The following PRKCE variants were observed in gnomAD, a reference collection of about 807,000 sequenced individuals.
PRKCE encodes the protein protein kinase C epsilon type.
PRKCE carries 16 observed loss-of-function variants against 85.4 expected under a neutral mutation model. That is an observed-to-expected ratio of 0.19 (90% CI 0.13 to 0.28). The LOEUF (loss-of-function observed/expected upper bound fraction) is 0.28, where lower values mean the gene tolerates loss of function less well. Among genes scored for constraint, PRKCE ranks in the 10% least tolerant of loss-of-function variants. The pLI, the probability that PRKCE is intolerant of heterozygous loss-of-function variation, is 1.00. For synonymous variants in PRKCE, 388 were observed against 371.5 expected, an observed-to-expected ratio of 1.04 and a Z score of -0.51; for missense variants, 573 against 975.2, an observed-to-expected ratio of 0.59 and a Z score of 5.49.
chr2:45,720,875 G>A lies in PRKCE; in HGVS notation c.348+68427G>A, dbSNP rs535115068. ...TGTAATCCCAGCACTTTGGGAGGCC[G>A]AGGTGGGCAGATCACAAGGTCAGGA... On this transcript the variant is annotated intron_variant, in intron 1 of 14. Coordinates refer to ENST00000306156, the MANE Select transcript of PRKCE (RefSeq NM_005400.3). Among the ~76,000 whole-genome samples the A allele has an allele frequency of 6.4e-4, 98 of 152,270 alleles. 1 individual carries two copies. The South Asian group carries it at 0.02, about 30-fold the overall frequency.
intron 1 of PRKCE, among the ~76,000 whole-genome samples, chr2:45,732,967 T>C (rs1306851343): frequency 6.6e-6 from 1 of 152,222 alleles, no homozygotes; most frequent in East Asian, 1.9e-4. Flanking sequence ...AGTAAATATT[T>C]TTAGCTTTGC....
At chr2:45,771,922 C>G (rs1685368850) in intron 1 of PRKCE, among the ~76,000 whole-genome samples, 1 of 152,122 alleles carries the variant, frequency 6.6e-6, no homozygotes, top group Non-Finnish European at 1.5e-5. Context: ...TTGGCATGCT[C>G]AGTCATTGCC....
At chr2:45,806,603 G>A (rs1688262014) in intron 1 of PRKCE, among the ~76,000 whole-genome samples, 1 of 152,130 alleles carries the variant, frequency 6.6e-6, no homozygotes, top group South Asian at 2.1e-4. Context: ...CTCCTCATAA[G>A]CACAGGCAAC....
chr2:46,152,155 T>A (rs1676698946), intron 13 of PRKCE, among the ~76,000 whole-genome samples: 1 of 152,206 alleles, frequency 6.6e-6, no homozygotes, highest in African/African-American at 2.4e-5. Context: ...CTTCCAATAT[T>A]TACCTGATTA....
chr2:46,091,277 G>T (rs1670147761), intron 11 of PRKCE, among the ~76,000 whole-genome samples: 1 of 152,184 alleles, frequency 6.6e-6, no homozygotes, highest in South Asian at 2.1e-4. Context: ...GGCACTGTGG[G>T]AGGTTTTTGA....
chr2:45,780,899 C>T (rs1393389874), intron 1 of PRKCE, among the ~76,000 whole-genome samples: 3 of 152,244 alleles, frequency 2.0e-5, no homozygotes, highest in Non-Finnish European at 4.4e-5. Flanking sequence ...GTTGACACTG[C>T]TGAGCCACTG....
chr2:45,977,235 A>T, intron 3 of PRKCE, among the ~76,000 whole-genome samples: 1 of 152,170 alleles, frequency 6.6e-6, no homozygotes, highest in Non-Finnish European at 1.5e-5. Flanking sequence ...TCTTTTACAG[A>T]CACACCTCAG....
At chr2:45,751,651 A>G (rs1683568552) in intron 1 of PRKCE, among the ~76,000 whole-genome samples, 1 of 152,118 alleles carries the variant, frequency 6.6e-6, no homozygotes, top group East Asian at 1.9e-4. Context: ...AATATGATTA[A>G]TACATACCCA....
chr2:45,903,718 G>C (rs1696740546), intron 2 of PRKCE, among the ~76,000 whole-genome samples: 1 of 152,182 alleles, frequency 6.6e-6, no homozygotes, highest in South Asian at 2.1e-4. Flanking sequence ...GATGTAGAAT[G>C]TACAAGGCAA....
chr2:46,074,302 T>C (rs1337725495), intron 10 of PRKCE, among the ~76,000 whole-genome samples: 1 of 151,900 alleles, frequency 6.6e-6, no homozygotes, highest in African/African-American at 2.4e-5. Flanking sequence ...GTTGCCTTGA[T>C]TGTTTTTCCC....
Position 46,186,289 on chromosome 2 carries a change from T to C in PRKCE, c.*1408T>C, listed in dbSNP as rs1680443859. On this transcript the variant is annotated 3_prime_UTR_variant, in exon 15 of 15. Transcript: ENST00000306156. ...CAGGGAATGGAATCCATTCCAACTA[T>C]TGCACGTGGATTTCCCAGCTGCCCC... is the stretch of plus-strand genomic sequence containing the variant. 1 of 152,650 alleles carries C rather than the reference T, an allele frequency of 6.6e-6. No homozygotes were observed. The highest frequency in any genetic ancestry group is 2.4e-5 in the African/African-American group (1 of 41,448). 9.5% of individuals were successfully genotyped at this position (152,650 alleles called of 1,614,324 possible). A position where few individuals can be genotyped will look rare whatever the true frequency, so the allele number is the denominator to read the frequency against.
intron 1 of PRKCE, among the ~76,000 whole-genome samples, chr2:45,740,428 G>A (rs1682457618): frequency 1.3e-5 from 2 of 151,990 alleles, no homozygotes; most frequent in African/African-American, 2.4e-5. Context: ...GAAGGGGAGA[G>A]GAAAAGTCTG....
chr2:46,037,535 C>A (rs1707944640), intron 10 of PRKCE, among the ~76,000 whole-genome samples: 1 of 152,162 alleles, frequency 6.6e-6, no homozygotes, highest in African/African-American at 2.4e-5. Context: ...CGCTTCCATC[C>A]CCAGGTTGGT....
At chr2:46,178,764 C>T (rs900633124) in intron 14 of PRKCE, among the ~76,000 whole-genome samples, 3 of 152,096 alleles carry the variant, frequency 2.0e-5, no homozygotes, top group Non-Finnish European at 2.9e-5. Context: ...AAATTATTTC[C>T]GGCCAATGAA....
chr2:45,797,650 G>A (rs114442560), intron 1 of PRKCE, among the ~76,000 whole-genome samples: 17 of 152,308 alleles, frequency 1.1e-4, no homozygotes, highest in Admixed American at 5.9e-4. Context: ...TGGTTGGGGC[G>A]GTCTCTGCTG....
chr2:45,700,501 CG>C (rs1678544984), intron 1 of PRKCE: 1 of 151,882 alleles, frequency 6.6e-6, no homozygotes. Context: ...AGAAGCAGCC[CG>C]GCACTGTCAT....
intron 1 of PRKCE, chr2:45,674,990 T>C (rs1676361433): frequency 6.6e-6 from 1 of 152,260 alleles, no homozygotes; most frequent in Non-Finnish European, 1.5e-5. Context: ...ATCCAGTATC[T>C]TAATTTCCAT....
chr2:45,973,266 C>T (rs1702224202), intron 2 of PRKCE, among the ~76,000 whole-genome samples: 1 of 152,210 alleles, frequency 6.6e-6, no homozygotes, highest in Admixed American at 6.5e-5. Context: ...TCTTCTCCAC[C>T]TGTGGGTGAC....
intron 3 of PRKCE, among the ~76,000 whole-genome samples, 155 bp downstream of exon 3, chr2:45,976,743 T>C (rs1008308953): frequency 1.3e-5 from 2 of 152,118 alleles, no homozygotes; most frequent in Non-Finnish European, 2.9e-5. Context: ...AGGCTAAGTG[T>C]GTGTTTGGTA....
Sources: allele counts gnomAD v4.1 joint callset (sites outside exome capture counted in the v4.1 genomes callset), GRCh38; gene constraint gnomAD v4.1.1; transcripts MANE v1.5; gene names NCBI Gene and HGNC (gene_info 2026-07-23, HGNC 2026-07-21).